The following MAP2K2 variants were observed in gnomAD, a reference collection of about 807,000 sequenced individuals.
MAP2K2 encodes the protein dual specificity mitogen-activated protein kinase kinase 2.
MAP2K2 carries 24 observed loss-of-function variants against 43.7 expected under a neutral mutation model. That is an observed-to-expected ratio of 0.55 (90% CI 0.40 to 0.77). The LOEUF (loss-of-function observed/expected upper bound fraction) is 0.77. Ranked by LOEUF, MAP2K2 falls within the 30% of genes least tolerant of loss-of-function variation. The pLI is 0.00. For missense variants in MAP2K2, 470 were observed against 566.8 expected (o/e 0.83, Z 1.73); for synonymous variants, 244 against 239.7 (o/e 1.02, Z -0.17).
At chr19:4,094,104 G>A (rs2040880628) in intron 10 of MAP2K2, among the ~76,000 whole-genome samples, 1 of 152,154 alleles carries the variant, frequency 6.6e-6, no homozygotes, top group Non-Finnish European at 1.5e-5. Context: ...TGCAGGGAAA[G>A]GAGCCTGGGG....
intron 3 of MAP2K2, chr19:4,103,262 A>C: frequency 1.0e-6 from 1 of 985,356 alleles, no homozygotes; most frequent in Non-Finnish European, 1.2e-6. Context: ...GTGGCCCCAC[A>C]TCCATGTCAT....
intron 3 of MAP2K2, among the ~76,000 whole-genome samples, chr19:4,107,466 G>C (rs2041097905): frequency 6.9e-6 from 1 of 144,876 alleles, no homozygotes; most frequent in Non-Finnish European, 1.5e-5. Flanking sequence ...GGAGCTTGCA[G>C]TGAGCCAAGA....
intron 7 of MAP2K2, among the ~76,000 whole-genome samples, chr19:4,098,911 G>C (rs894058410): frequency 2.0e-5 from 3 of 152,252 alleles, no homozygotes; most frequent in African/African-American, 7.2e-5. Context: ...TAAAATGTTG[G>C]AAAATCCAAC....
intron 10 of MAP2K2, among the ~76,000 whole-genome samples, chr19:4,091,429 T>C (rs1382801917): frequency 6.6e-6 from 1 of 152,112 alleles, no homozygotes; most frequent in African/African-American, 2.4e-5. Context: ...CTTAGCTCAC[T>C]GCAACCTCCG....
intron 2 of MAP2K2, among the ~76,000 whole-genome samples, chr19:4,117,166 G>C (rs2041231295): frequency 1.3e-5 from 2 of 152,324 alleles, no homozygotes; most frequent in Admixed American, 1.3e-4. Flanking sequence ...CTGGGAATAT[G>C]GATTTCAAGT....
At chr19:4,095,771 C>G (rs577473941) in intron 8 of MAP2K2, among the ~76,000 whole-genome samples, 1 of 152,258 alleles carries the variant, frequency 6.6e-6, no homozygotes, top group South Asian at 2.1e-4. Flanking sequence ...AGAGGGACAT[C>G]TGGATCCAAA....
rs1161511729 is a variant in MAP2K2 at position 4,094,505 on chromosome 19, G to A, written c.1047-7C>T. 1 of 1,568,156 alleles carries A rather than the reference G, an allele frequency of 6.4e-7. No individual in the cohort carries two copies. ...CGCTGGGTTCTTGATGAGGCTGGGG[G>A]TTCCAAGAGGCAGGACCGGGAGGCG... On this transcript the variant is annotated splice_polypyrimidine_tract_variant and splice_region_variant and intron_variant, in intron 9 of 10. Coordinates refer to ENST00000262948, the MANE Select transcript of MAP2K2 (RefSeq NM_030662.4).
Position 4,117,605 on chromosome 19 carries a change from C to T in MAP2K2, c.117G>A (p.Lys39=). 6.2e-7 allele frequency: 1 copy of T among 1,614,086 alleles called. No homozygotes were observed. The highest frequency in any genetic ancestry group is 2.2e-5 in the East Asian group (1 of 44,882). The change falls in exon 2 of 11, where the codon AAG becomes AAA. Residue 39 remains lysine (K), a synonymous_variant. Coordinates refer to ENST00000262948, the MANE Select transcript of MAP2K2 (RefSeq NM_030662.4). ...ASEANLVDLQ[K]KLEELELDEQ... is the part of the protein sequence containing the mutation. ...CGTCAAGTTCCAGCTCCTCCAGCTTCTTCTGCAGGTCCACCAGGTTTGCCC... is the reference window on the plus strand; with the variant it reads ...CGTCAAGTTCCAGCTCCTCCAGCTTTTTCTGCAGGTCCACCAGGTTTGCCC...
rs1165565451 is a variant in MAP2K2 at position 4,092,494 on chromosome 19, CAGG to C, written c.1093-1789_1093-1787del. ...ATCCCAGCTACTCGAGAGGCTGAGG[CAGG>C]AGAACCGCTTGAACCTGGAAGATGG... is the stretch of plus-strand genomic sequence containing the variant. On this transcript the variant is annotated intron_variant, in intron 10 of 10. Coordinates refer to ENST00000262948, the MANE Select transcript of MAP2K2 (RefSeq NM_030662.4). Among the ~76,000 whole-genome samples, 8 of 152,144 alleles carry C rather than the reference CAGG, an allele frequency of 5.3e-5. No individual in the cohort carries two copies. The East Asian group carries it at 1.5e-3, about 29-fold the overall frequency.
chr19:4,102,897 C>A (rs745667997), intron 3 of MAP2K2: 2 of 1,151,378 alleles, frequency 1.7e-6, no homozygotes, highest in Non-Finnish European at 1.1e-6. Flanking sequence ...TCCCAGCACA[C>A]GAAGGGAAGG....
At chr19:4,109,684 C>T (rs957159694) in intron 3 of MAP2K2, among the ~76,000 whole-genome samples, 4 of 152,254 alleles carry the variant, frequency 2.6e-5, no homozygotes, top group Non-Finnish European at 4.4e-5. Flanking sequence ...CTATGTTGCC[C>T]AGCCTGGTAT....
In MAP2K2 at chr19:4,101,316, C is replaced by A. The variant is rs1214112209; in HGVS notation, c.529-36G>T. The A allele has an allele frequency of 2.6e-6, 4 of 1,561,750 alleles. No individual in the cohort carries two copies. In the South Asian group the frequency reaches 3.5e-5, roughly 14 times the overall value. ...GCGCGGAGGGAGTCACGGGACAAGG[C>A]CACCAGGGCTTAGCTCCTGACCGAG... On this transcript the variant is annotated intron_variant, in intron 4 of 10. Coordinates refer to ENST00000262948, the MANE Select transcript of MAP2K2 (RefSeq NM_030662.4). The surrounding 1 kb of genome is among the most constrained non-coding windows in gnomAD (Gnocchi z 6.3).
chr19:4,104,254 G>A (rs1266305818), intron 3 of MAP2K2, among the ~76,000 whole-genome samples: 2 of 128,838 alleles, frequency 1.6e-5, no homozygotes, highest in Non-Finnish European at 3.1e-5. Flanking sequence ...GAGAGAGCAA[G>A]ACTCCTCAAT....
At chr19:4,105,268 TTC>T (rs2041071651) in intron 3 of MAP2K2, among the ~76,000 whole-genome samples, 1 of 151,496 alleles carries the variant, frequency 6.6e-6, no homozygotes, top group African/African-American at 2.4e-5. Flanking sequence ...ACATTTTTCT[TTC>T]TTTTTTTTTT....
intron 1 of MAP2K2, among the ~76,000 whole-genome samples, chr19:4,122,927 C>T (rs2041319319): frequency 6.6e-6 from 1 of 151,000 alleles, no homozygotes; most frequent in Non-Finnish European, 1.5e-5. Flanking sequence ...AGTCTCATTA[C>T]TCAGGGACCC....
intron 9 of MAP2K2, chr19:4,095,050 C>T (rs1185097074): frequency 1.1e-5 from 4 of 369,876 alleles, no homozygotes; most frequent in South Asian, 3.6e-5. Context: ...CCAGAACCTG[C>T]GGGCGGATCC....
intron 2 of MAP2K2, among the ~76,000 whole-genome samples, chr19:4,111,840 C>T (rs2041157071): frequency 6.6e-6 from 1 of 152,164 alleles, no homozygotes; most frequent in South Asian, 2.1e-4. Flanking sequence ...GTAATCCCAG[C>T]TACTCGGGAG....
intron 8 of MAP2K2, among the ~76,000 whole-genome samples, chr19:4,096,856 TC>T (rs2040925634): frequency 6.6e-6 from 1 of 152,022 alleles, no homozygotes. Context: ...AATTCTGGGT[TC>T]GTCTTCATAA....
chr19:4,115,719 G>A lies in MAP2K2; in HGVS notation c.303+1700C>T, dbSNP rs112904421. On this transcript the variant is annotated intron_variant, in intron 2 of 10. Transcript: ENST00000262948. The surrounding 1 kb of genome is among the most constrained non-coding windows in gnomAD (Gnocchi z 4.1). ...TGAGCCGCTGCTCCCGAGGAAGGCA[G>A]GGCCCTCAAGCACTGCTGCCACCTG... Among the ~76,000 whole-genome samples, 219 of 152,348 alleles carry A rather than the reference G, an allele frequency of 1.4e-3. 1 individual carries two copies. The highest frequency in any genetic ancestry group is 5.1e-3 in the African/African-American group (211 of 41,582).
Sources: gnomAD v4.1 joint callset for allele counts (sites outside exome capture counted in the v4.1 genomes callset) on GRCh38, gnomAD v4.1.1 for gene constraint, Gnocchi (gnomAD v3.1) non-coding constraint, MANE v1.5 for transcripts, NCBI Gene and HGNC (gene_info 2026-07-23, HGNC 2026-07-21) for gene names.